The following TMEM184A variants were observed in gnomAD, a reference collection of about 807,000 sequenced individuals.
TMEM184A encodes sexually dimorphic, expressed in male gonads 1.
TMEM184A carries 40 observed loss-of-function variants against 39.5 expected under a neutral mutation model. The ratio of observed to expected loss-of-function variants is 1.01; its 90% CI spans 0.79 to 1.32. The LOEUF is 1.32. TMEM184A is among the 40% of genes most tolerant of loss of function. The probability of loss-of-function intolerance (pLI) is 0.00; values close to 1 mark genes in which losing one functional copy is unlikely to be tolerated. For synonymous variants in TMEM184A, 280 were observed against 252.3 expected (o/e 1.11, Z -1.04); for missense variants, 603 against 568.8 (o/e 1.06, Z -0.61).
Position 1,555,349 on chromosome 7 carries a change from G to T in TMEM184A, c.136C>A (p.Pro46Thr), listed in dbSNP as rs549129441. Residue 46 changes from proline (P) to threonine (T), a missense_variant, in exon 2 of 9, where the codon CCC becomes ACC. Pro to Thr is a conservative substitution (Grantham distance 38, BLOSUM62 -1). Transcript: ENST00000297477. The surrounding 1 kb of genome is among the most constrained non-coding windows in gnomAD (Gnocchi z 5.2). ...DHMGNSSQGA[P>T]WLFLTSALAR... The stretch of plus-strand genomic sequence containing the variant: ...AGTGCGGAGGTGAGGAAGAGCCAGG[G>T]GGCCCCCTGGGAGCTGTTCCCCATG... 11 of 1,610,640 alleles carry T rather than the reference G, an allele frequency of 6.8e-6. No homozygotes were observed. The South Asian group carries it at 1.1e-4, about 16-fold the overall frequency.
At chr7:1,549,701 GA>G in intron 6 of TMEM184A, 152 bp downstream of exon 6, 1 of 755,572 alleles carries the variant, frequency 1.3e-6, no homozygotes, top group Non-Finnish European at 2.3e-6. Context: ...GGCCCCAGGG[GA>G]CCCAGTGCCC....
In TMEM184A at chr7:1,547,187, G is replaced by A; in HGVS notation, c.1013-6C>T. 6.5e-7 allele frequency: 1 copy of A among 1,545,476 alleles called. No individual in the cohort carries two copies. The highest frequency in any genetic ancestry group is 1.1e-5 in the South Asian group (1 of 89,066). ...CTGCATGGGTGCCGGGGGGGCTGGG[G>A]GAGGGCAGTGTATGAGCCCCACCAT... is the stretch of plus-strand genomic sequence containing the variant. On this transcript the variant is annotated splice_polypyrimidine_tract_variant and splice_region_variant and intron_variant, in intron 8 of 8. Coordinates refer to ENST00000297477, the MANE Select transcript of TMEM184A (RefSeq NM_001097620.2).
At chr7:1,551,018 G>T in intron 2 of TMEM184A, 36 bp from the exon 3 acceptor site, 1 of 1,582,262 alleles carries the variant, frequency 6.3e-7, no homozygotes, top group South Asian at 1.1e-5. Flanking sequence ...AGCCGGGCCC[G>T]CCTGGTACCC....
intron 7 of TMEM184A, 102 bp from the exon 8 acceptor site, chr7:1,548,041 C>T: frequency 7.5e-7 from 1 of 1,339,640 alleles, no homozygotes; most frequent in African/African-American, 1.4e-5. Flanking sequence ...TGCTGTGACC[C>T]CGTCCGTGTA....
intron 8 of TMEM184A, 45 bp downstream of exon 8, chr7:1,547,696 GC>G: frequency 6.4e-7 from 1 of 1,561,540 alleles, no homozygotes; most frequent in Non-Finnish European, 8.7e-7. Context: ...GGTGCCCGGG[GC>G]AGGGCTGTGC....
chr7:1,551,114 C>G (rs1226821398), intron 2 of TMEM184A, 132 bp from the exon 3 acceptor site: 12 of 964,400 alleles, frequency 1.2e-5, no homozygotes, highest in Non-Finnish European at 1.7e-5. Flanking sequence ...GGTACCCCTG[C>G]ACAAGCCCAG....
rs562702481 is a variant in TMEM184A, at chr7:1,555,582, G to C, written c.1-98C>G. 7 of 918,994 alleles carry C rather than the reference G, an allele frequency of 7.6e-6. No individual in the cohort carries two copies. Among genetic ancestry groups the C allele is most frequent in the South Asian group, 1.4e-5 (1 of 73,910 alleles). The allele number at this position is 918,994 out of a possible 1,614,324, so 56.9% of individuals were successfully genotyped here. A position where few individuals can be genotyped will look rare whatever the true frequency, so the allele number is the denominator to read the frequency against. ...CGGGGGAGGGAGGAGACAGTGAGAC[G>C]GGAGCTGAGGCTGAGCCACCCACCA... On this transcript the variant is annotated intron_variant, in intron 1 of 8. Transcript: ENST00000297477. The surrounding 1 kb of genome is among the most constrained non-coding windows in gnomAD (Gnocchi z 5.2).
rs1227148643 is a variant in TMEM184A at position 1,555,257 on chromosome 7, A to C, written c.219+9T>G. ...GTCCTGAAGGAGGCTCGGGGGCGGA[A>C]GGGCTTACCTGGTGGCAGGTGAGCA... On this transcript the variant is annotated intron_variant, in intron 2 of 8. Coordinates refer to ENST00000297477, the MANE Select transcript of TMEM184A (RefSeq NM_001097620.2). This position sits in a 1 kb window ranked among gnomAD's most constrained non-coding sequence, Gnocchi z 5.2. 6.3e-7 allele frequency: 1 copy of C among 1,595,090 alleles called. No individual in the cohort carries two copies. Among genetic ancestry groups the C allele is most frequent in the Non-Finnish European group, 8.5e-7 (1 of 1,171,176 alleles).
chr7:1,555,031 A>G lies in TMEM184A; in HGVS notation c.219+235T>C, dbSNP rs781219938. Among the ~76,000 whole-genome samples the G allele has an allele frequency of 5.7e-4, 87 of 152,006 alleles. No individual in the cohort carries two copies. The highest frequency in any genetic ancestry group is 1.6e-4 in the Non-Finnish European group (11 of 67,980). On this transcript the variant is annotated intron_variant, in intron 2 of 8. Coordinates refer to ENST00000297477, the MANE Select transcript of TMEM184A (RefSeq NM_001097620.2). The surrounding 1 kb of genome is among the most constrained non-coding windows in gnomAD (Gnocchi z 5.2). ...GTGAGCCGAGTGACGAGCCTGTGAA[A>G]TAGCCAGGGGTGCCCGGTGGGCGCT...
chr7:1,549,365 CTCCTTGTGCT>C, intron 6 of TMEM184A: 1 of 391,530 alleles, frequency 2.6e-6, no homozygotes, highest in East Asian at 7.2e-5. Context: ...CGCAGGGGTC[CTCCTTGTGCT>C]GGGTGGCTGC....
chr7:1,554,664 C>T (rs951389940), intron 2 of TMEM184A, among the ~76,000 whole-genome samples: 2 of 152,256 alleles, frequency 1.3e-5, no homozygotes, highest in Non-Finnish European at 2.9e-5. Flanking sequence ...TTCCTTGCCA[C>T]AGCGCCTGGC....
At chr7:1,549,233 G>A (rs1457507577) in intron 6 of TMEM184A, 2 of 437,998 alleles carry the variant, frequency 4.6e-6, no homozygotes, top group Non-Finnish European at 9.0e-6. Flanking sequence ...AACATGTGAT[G>A]CACGTGTGTG....
In TMEM184A at chr7:1,547,802, C is replaced by T. The variant is rs757065802; in HGVS notation, c.952G>A (p.Val318Met). ...IICVEMLFAS[V>M]ALRYAFPCQV... ...CAGGGGAAGGCATAACGCAGGGCCA[C>T]GGAGGCGAACAGCATCTCCACGCAG... Residue 318 changes from valine to methionine, a missense_variant, in exon 8 of 9, where the codon GTG becomes ATG. Coordinates refer to ENST00000297477, the MANE Select transcript of TMEM184A (RefSeq NM_001097620.2). The T allele has an allele frequency of 9.9e-6, 16 of 1,612,974 alleles. No individual in the cohort carries two copies. The highest frequency in any genetic ancestry group is 6.6e-5 in the South Asian group (6 of 91,050).
chr7:1,554,109 G>A (rs569637789), intron 2 of TMEM184A, among the ~76,000 whole-genome samples: 20 of 152,084 alleles, frequency 1.3e-4, no homozygotes, highest in Non-Finnish European at 1.9e-4. Context: ...ACTCATACAC[G>A]TCTACCGTGG....
intron 2 of TMEM184A, among the ~76,000 whole-genome samples, chr7:1,551,719 T>C (rs1025149914): frequency 6.6e-6 from 1 of 151,874 alleles, no homozygotes; most frequent in Non-Finnish European, 1.5e-5. Flanking sequence ...GGTGGATCAT[T>C]TGAGGTCAGG....
Position 1,546,643 on chromosome 7 carries a change from A to G in TMEM184A, c.*309T>C. ...TCCGTGCAGCCAAGGCCCCGCAGCC[A>G]CACTCACTCTCCGCCCCACAGTGGC... On this transcript the variant is annotated 3_prime_UTR_variant, in exon 9 of 9. Coordinates refer to ENST00000297477, the MANE Select transcript of TMEM184A (RefSeq NM_001097620.2). The G allele has an allele frequency of 3.0e-6, 1 of 330,812 alleles. No homozygotes were observed. The highest frequency in any genetic ancestry group is 5.2e-5 in the East Asian group (1 of 19,066). 20.5% of individuals were successfully genotyped at this position (330,812 alleles called of 1,614,324 possible).
In TMEM184A at chr7:1,548,649, G is replaced by T; in HGVS notation, c.684C>A (p.Asn228Lys). 1 of 1,613,896 alleles carries T rather than the reference G, an allele frequency of 6.2e-7. No homozygotes were observed. Among genetic ancestry groups the T allele is most frequent in the Non-Finnish European group, 8.5e-7 (1 of 1,179,982 alleles). The change falls in exon 7 of 9, where the codon AAC becomes AAA. Residue 228 changes from asparagine to lysine, a missense_variant. Physicochemically the swap from Asn to Lys is moderately conservative, Grantham distance 94. Coordinates refer to ENST00000297477, the MANE Select transcript of TMEM184A (RefSeq NM_001097620.2). ...CGTAGAGGGCGAGGCTGACGGAGGC[G>T]TTGTAGATGAGGGTCACATAGAGGT... ...SGYLYVTLIY[N>K]ASVSLALYAL...
In TMEM184A at chr7:1,549,900, T is replaced by C. The variant is rs775450031; in HGVS notation, c.598A>G (p.Thr200Ala). The C allele has an allele frequency of 6.2e-7, 1 of 1,612,354 alleles. No individual in the cohort carries two copies. The highest frequency in any genetic ancestry group is 8.5e-7 in the Non-Finnish European group (1 of 1,179,334). Residue 200 changes from threonine (T) to alanine (A), a missense_variant, in exon 6 of 9, where the codon ACC becomes GCC. By Grantham distance (58) the Thr-to-Ala change is moderately conservative. Transcript: ENST00000297477. The part of the protein sequence containing the change: ...CLVKPVMAVT[T>A]IILQAFGKYH... ...TTGCCAAATGCCTGGAGGATGATGG[T>C]GGTGACGGCCATGACGGGCTTCACC...
At chr7:1,549,146 C>CAT in intron 6 of TMEM184A, 1 of 462,164 alleles carries the variant, frequency 2.2e-6, no homozygotes, top group Non-Finnish European at 4.3e-6. Context: ...TGTGTGTGCA[C>CAT]ATATTGCGTG....
Sources: gnomAD v4.1 joint callset for allele counts (sites outside exome capture counted in the v4.1 genomes callset) on GRCh38, gnomAD v4.1.1 for gene constraint, Gnocchi (gnomAD v3.1) non-coding constraint, MANE v1.5 for transcripts, NCBI Gene and HGNC (gene_info 2026-07-23, HGNC 2026-07-21) for gene names.